Variants in AGBL1 observed in about 807,000 individuals in gnomAD.
The protein encoded by AGBL1 is cytosolic carboxypeptidase 4.
Under a neutral mutation model 118.9 loss-of-function variants are expected in AGBL1, and 130 were observed. The observed-to-expected ratio is 1.09, with a 90% CI of 0.95 to 1.26. The LOEUF (loss-of-function observed/expected upper bound fraction) is 1.26, where lower values mean the gene tolerates loss of function less well. Among genes scored for constraint, AGBL1 ranks in the 50% most tolerant of loss-of-function variants. The pLI, the probability that AGBL1 is intolerant of heterozygous loss-of-function variation, is 0.00. For missense variants in AGBL1, 1,584 were observed against 1,298.1 expected (o/e 1.22, Z -3.38); for synonymous variants, 555 against 478.9 (o/e 1.16, Z -2.08).
intron 18 of AGBL1, among the ~76,000 whole-genome samples, chr15:86,423,124 G>A (rs1425357997): frequency 1.3e-5 from 2 of 152,150 alleles, no homozygotes; most frequent in African/African-American, 4.8e-5. Context: ...ACCTGGCAGA[G>A]ACACAACAGA....
intron 23 of AGBL1, among the ~76,000 whole-genome samples, chr15:86,940,058 T>TA (rs1194884079): frequency 9.2e-5 from 12 of 129,842 alleles, no homozygotes; most frequent in Non-Finnish European, 1.3e-4. Context: ...ATTTTGGTAG[T>TA]CCTTTTTTTT....
intron 18 of AGBL1, among the ~76,000 whole-genome samples, chr15:86,429,569 G>C (rs2081910436): frequency 6.6e-6 from 1 of 152,168 alleles, no homozygotes. Context: ...AATGCCTCCT[G>C]GGACCGTAAC....
At chr15:86,393,790 G>T (rs1424954051) in intron 17 of AGBL1, among the ~76,000 whole-genome samples, 1 of 152,024 alleles carries the variant, frequency 6.6e-6, no homozygotes, top group African/African-American at 2.4e-5. Context: ...ATTATATGTT[G>T]AAATCCTAAT....
intron 22 of AGBL1, among the ~76,000 whole-genome samples, chr15:86,756,941 G>GTA (rs1213719642): frequency 2.2e-5 from 3 of 136,270 alleles, no homozygotes; most frequent in African/African-American, 8.1e-5. Context: ...CAATAAACAT[G>GTA]TCTTTTTTTT....
chr15:86,424,689 C>T (rs1055541745), intron 18 of AGBL1, among the ~76,000 whole-genome samples: 2 of 152,096 alleles, frequency 1.3e-5, no homozygotes, highest in African/African-American at 4.8e-5. Context: ...AACAAATTTA[C>T]AATTGAAAAA....
chr15:86,810,426 G>T (rs962100901), intron 22 of AGBL1, among the ~76,000 whole-genome samples: 1 of 151,994 alleles, frequency 6.6e-6, no homozygotes, highest in Admixed American at 6.6e-5. Flanking sequence ...CTCTTCCTCT[G>T]CTCCTTGGCA....
intron 22 of AGBL1, among the ~76,000 whole-genome samples, chr15:86,726,341 G>T (rs1027106701): frequency 6.6e-6 from 1 of 152,190 alleles, no homozygotes. Context: ...TTGCCAATAT[G>T]GGATAGTGGG....
At chr15:86,133,653 C>T (rs781105663) in intron 1 of AGBL1, among the ~76,000 whole-genome samples, 1 of 152,244 alleles carries the variant, frequency 6.6e-6, no homozygotes, top group East Asian at 1.9e-4. Flanking sequence ...TGTTCTAGAC[C>T]GTGAATACCC....
At chr15:86,408,370 G>T (rs142926920) in intron 18 of AGBL1, among the ~76,000 whole-genome samples, 8 of 152,264 alleles carry the variant, frequency 5.3e-5, no homozygotes, top group African/African-American at 1.7e-4. Flanking sequence ...GCAATTCAAA[G>T]CTCCTGCTGT....
chr15:86,857,510 C>T (rs1567209987), intron 22 of AGBL1, among the ~76,000 whole-genome samples: 1 of 152,230 alleles, frequency 6.6e-6, no homozygotes, highest in Non-Finnish European at 1.5e-5. Flanking sequence ...GCATAGAATG[C>T]TCTTCACTTC....
chr15:86,558,465 T>C lies in AGBL1; in HGVS notation c.2994+3928T>C, dbSNP rs533812598. Among the ~76,000 whole-genome samples, 239 of 152,290 alleles carry C rather than the reference T, an allele frequency of 1.6e-3. 7 individuals carry two copies. In the South Asian group the frequency reaches 0.043, roughly 28 times the overall value. On this transcript the variant is annotated intron_variant, in intron 21 of 22. Coordinates refer to ENST00000614907, the MANE Select transcript of AGBL1 (RefSeq NM_001386094.1). ...GCTGGCACCTCTGTTGTAATTCCCT[T>C]GTGGTTCAACCTCCCCCTCTGCCCA...
rs151077185 is a variant in AGBL1, at chr15:86,154,026, C to G, written c.263-404C>G. On this transcript the variant is annotated intron_variant, in intron 3 of 22. Transcript: ENST00000614907. ...CCCAACTGTCTTTTATAGACATAGT[C>G]AAAGCAAGATCCAATCCAAGTTGAC... Among the ~76,000 whole-genome samples, 318 of 152,158 alleles carry G rather than the reference C, an allele frequency of 2.1e-3. 1 individual carries two copies. The highest frequency in any genetic ancestry group is 3.7e-3 in the Non-Finnish European group (255 of 68,008).
chr15:86,842,900 C>T (rs1041475583), intron 22 of AGBL1, among the ~76,000 whole-genome samples: 1 of 152,086 alleles, frequency 6.6e-6, no homozygotes, highest in Admixed American at 6.5e-5. Flanking sequence ...GTTACACTCC[C>T]TCCCCTTTGC....
At chr15:86,644,794 T>C (rs982690499) in intron 21 of AGBL1, among the ~76,000 whole-genome samples, 2 of 135,396 alleles carry the variant, frequency 1.5e-5, no homozygotes, top group African/African-American at 5.7e-5. Context: ...TCATCTGAGG[T>C]CAGGAGTTTG....
At chr15:86,210,309 C>T (rs541390568) in intron 5 of AGBL1, among the ~76,000 whole-genome samples, 14 of 152,208 alleles carry the variant, frequency 9.2e-5, no homozygotes, top group African/African-American at 2.4e-4. Context: ...TTGCTCTTCT[C>T]GAGGAGTATC....
chr15:86,456,686 C>T (rs576219406), intron 18 of AGBL1, among the ~76,000 whole-genome samples: 99 of 152,116 alleles, frequency 6.5e-4, no homozygotes, highest in African/African-American at 2.3e-3. Flanking sequence ...GATATTTCAG[C>T]GAGGAAACTG....
chr15:86,306,880 G>A (rs567511170), intron 17 of AGBL1, among the ~76,000 whole-genome samples: 91 of 152,104 alleles, frequency 6.0e-4, no homozygotes, highest in Non-Finnish European at 1.1e-3. Context: ...AGATGATATC[G>A]CATTGTGGTT....
At chr15:86,460,234 C>A (rs1214973156) in intron 18 of AGBL1, among the ~76,000 whole-genome samples, 1 of 140,362 alleles carries the variant, frequency 7.1e-6, no homozygotes, top group African/African-American at 2.7e-5. Context: ...ATCATCTCAG[C>A]ACTTTGGGAG....
At chr15:86,089,331 T>C (rs563789009) in intron 1 of AGBL1, among the ~76,000 whole-genome samples, 2 of 152,324 alleles carry the variant, frequency 1.3e-5, no homozygotes, top group South Asian at 4.1e-4. Context: ...CACCAGCTAA[T>C]GACCCTACAA....
Sources: gnomAD v4.1 joint callset for allele counts (sites outside exome capture counted in the v4.1 genomes callset) on GRCh38, gnomAD v4.1.1 for gene constraint, MANE v1.5 for transcripts, NCBI Gene and HGNC (gene_info 2026-07-23, HGNC 2026-07-21) for gene names.